Variants in SCRT2 observed in about 807,000 individuals in gnomAD.
The protein encoded by SCRT2 is scratch family transcriptional repressor 2.
SCRT2 carries 2 observed loss-of-function variants against 3.7 expected under a neutral mutation model. That is an observed-to-expected ratio of 0.54 (90% CI 0.22 to 1.70). SCRT2 has a LOEUF of 1.70. SCRT2 is among the 40% of genes most tolerant of loss of function. The probability of loss-of-function intolerance (pLI) is 0.19; values close to 1 mark genes in which losing one functional copy is unlikely to be tolerated. For synonymous variants in SCRT2, 256 were observed against 220.6 expected (o/e 1.16, Z -1.42); for missense variants, 456 against 468.5 (o/e 0.97, Z 0.25).
intron 1 of SCRT2, among the ~76,000 whole-genome samples, chr20:673,653 C>G (rs1599925711): frequency 6.6e-6 from 1 of 152,220 alleles, no homozygotes; most frequent in African/African-American, 2.4e-5. Flanking sequence ...CTGCTTCCCA[C>G]TATTCACTCA....
intron 1 of SCRT2, among the ~76,000 whole-genome samples, chr20:674,688 AGTGTGTGTGTGT>A (rs759385819): frequency 6.2e-5 from 8 of 129,446 alleles, no homozygotes; most frequent in East Asian, 2.6e-4. Context: ...GAAGAGATGG[AGTGTGTGTGTGT>A]GTGTGTGTGT....
At chr20:671,589 T>C (rs1984332907) in intron 1 of SCRT2, among the ~76,000 whole-genome samples, 1 of 152,168 alleles carries the variant, frequency 6.6e-6, no homozygotes, top group African/African-American at 2.4e-5. Context: ...GCTGGGGACA[T>C]TGGGCCGGGC....
Position 665,998 on chromosome 20 carries a change from C to T in SCRT2, c.134-1537G>A, listed in dbSNP as rs981668283. 4.6e-5 allele frequency among the ~76,000 whole-genome samples: 7 copies of T among 152,210 alleles called. No individual in the cohort carries two copies. The highest frequency in any genetic ancestry group is 1.7e-4 in the African/African-American group (7 of 41,454). On this transcript the variant is annotated intron_variant, in intron 1 of 1. Transcript: ENST00000246104. This position sits in a 1 kb window ranked among gnomAD's most constrained non-coding sequence, Gnocchi z 5.0. Reference sequence around the variant, plus strand: ...GGCTGATTCAGCCTCCAGGCCTTTGCCTCTCATCTGGAGTTTGGGATGGAC... The same window carrying T: ...GGCTGATTCAGCCTCCAGGCCTTTGTCTCTCATCTGGAGTTTGGGATGGAC...
chr20:664,581 T>C lies in SCRT2; in HGVS notation c.134-120A>G, dbSNP rs1600471546. On this transcript the variant is annotated intron_variant, in intron 1 of 1. Coordinates refer to ENST00000246104, the MANE Select transcript of SCRT2 (RefSeq NM_033129.4). The surrounding 1 kb of genome is among the most constrained non-coding windows in gnomAD (Gnocchi z 7.9). ...GCCCCTGTGGCAGCTCCGACAGTGG[T>C]GGTCTCCGACCTGCACCTCAGCTCT... is the stretch of plus-strand genomic sequence containing the variant. The C allele has an allele frequency of 1.5e-6, 1 of 653,858 alleles. No individual in the cohort carries two copies. Among genetic ancestry groups the C allele is most frequent in the Admixed American group, 4.3e-5 (1 of 23,036 alleles). The allele number at this position is 653,858 out of a possible 1,614,324, so 40.5% of individuals were successfully genotyped here.
At chr20:668,001 C>A (rs1286211248) in intron 1 of SCRT2, among the ~76,000 whole-genome samples, 1 of 152,216 alleles carries the variant, frequency 6.6e-6, no homozygotes, top group Non-Finnish European at 1.5e-5. Flanking sequence ...ACCCCGTTTT[C>A]CTCAGATTCA....
intron 1 of SCRT2, among the ~76,000 whole-genome samples, chr20:670,972 C>T (rs1006973615): frequency 2.6e-5 from 4 of 152,126 alleles, no homozygotes; most frequent in African/African-American, 7.2e-5. Flanking sequence ...CATATTCAAC[C>T]GTTTGATATT....
At position 675,438 on chromosome 20, in the gene SCRT2, C is replaced by G. The variant is rs1984497911; in HGVS notation, c.133+31G>C. The G allele has an allele frequency of 1.5e-6, 2 of 1,298,310 alleles. No individual in the cohort carries two copies. The highest frequency in any genetic ancestry group is 2.0e-6 in the Non-Finnish European group (2 of 1,014,266). The allele number at this position is 1,298,310 out of a possible 1,614,324, so 80.4% of individuals were successfully genotyped here. A position where few individuals can be genotyped will look rare whatever the true frequency, so the allele number is the denominator to read the frequency against. On this transcript the variant is annotated intron_variant, in intron 1 of 1. Coordinates refer to ENST00000246104, the MANE Select transcript of SCRT2 (RefSeq NM_033129.4). This position sits in a 1 kb window ranked among gnomAD's most constrained non-coding sequence, Gnocchi z 6.9. ...CCCCAGCTCCCCTCGCCTCTTCTCCCAACCCCCCGCCCCCGCCGGGTCCCA... is the reference window on the plus strand; with the variant it reads ...CCCCAGCTCCCCTCGCCTCTTCTCCGAACCCCCCGCCCCCGCCGGGTCCCA...
chr20:672,774 TCTC>T (rs1382236673), intron 1 of SCRT2, among the ~76,000 whole-genome samples: 2 of 108,110 alleles, frequency 1.8e-5, no homozygotes, highest in Non-Finnish European at 3.6e-5. Context: ...CCTCCCTCCC[TCTC>T]CTCATCTTCC....
rs370820824 is a variant in SCRT2, at chr20:669,132, G to A, written c.134-4671C>T. Among the ~76,000 whole-genome samples the A allele has an allele frequency of 4.5e-4, 69 of 151,706 alleles. 1 individual carries two copies. The South Asian group carries it at 0.014, about 30-fold the overall frequency. On this transcript the variant is annotated intron_variant, in intron 1 of 1. Transcript: ENST00000246104. Reference sequence around the variant, plus strand: ...ACACTCCCTAGTTAGCCTGTGGTGGGGTGGGTGGGGGCACGGGGTGGTGGG... The same window carrying A: ...ACACTCCCTAGTTAGCCTGTGGTGGAGTGGGTGGGGGCACGGGGTGGTGGG...
rs182399394 is a variant in SCRT2 at position 674,357 on chromosome 20, T to C, written c.133+1112A>G. Among the ~76,000 whole-genome samples the C allele has an allele frequency of 1.5e-4, 22 of 150,562 alleles. No individual in the cohort carries two copies. In the East Asian group the frequency reaches 4.4e-3, roughly 30 times the overall value. Reference sequence around the variant, plus strand: ...TCCTCTCTCAATCTCCCTCTTTCTCTCTCTCTCTTTCCCCACCCCCATCTC... The same window carrying C: ...TCCTCTCTCAATCTCCCTCTTTCTCCCTCTCTCTTTCCCCACCCCCATCTC... On this transcript the variant is annotated intron_variant, in intron 1 of 1. Coordinates refer to ENST00000246104, the MANE Select transcript of SCRT2 (RefSeq NM_033129.4).
rs951447995 is a variant in SCRT2 at position 665,981 on chromosome 20, C to A, written c.134-1520G>T. On this transcript the variant is annotated intron_variant, in intron 1 of 1. Coordinates refer to ENST00000246104, the MANE Select transcript of SCRT2 (RefSeq NM_033129.4). This position sits in a 1 kb window ranked among gnomAD's most constrained non-coding sequence, Gnocchi z 5.0. ...CGTTTCCCACACAGCCTGGCTGATT[C>A]AGCCTCCAGGCCTTTGCCTCTCATC... Among the ~76,000 whole-genome samples, 38 of 152,216 alleles carry A rather than the reference C, an allele frequency of 2.5e-4. No individual in the cohort carries two copies. The highest frequency in any genetic ancestry group is 2.2e-3 in the Admixed American group (34 of 15,288).
chr20:663,311 A>T lies in SCRT2; in HGVS notation c.*360T>A, dbSNP rs1600470518. ...ATTCAGCTGAGAAGCGAGAGAAAAG[A>T]TCTAGAAGTTAGAAGAGCAGCGCGG... On this transcript the variant is annotated 3_prime_UTR_variant, in exon 2 of 2. Coordinates refer to ENST00000246104, the MANE Select transcript of SCRT2 (RefSeq NM_033129.4). The surrounding 1 kb of genome is among the most constrained non-coding windows in gnomAD (Gnocchi z 6.9). 3.9e-6 allele frequency: 1 copy of T among 258,954 alleles called. No homozygotes were observed. The highest frequency in any genetic ancestry group is 7.2e-5 in the East Asian group (1 of 13,976). 16.0% of individuals were successfully genotyped at this position (258,954 alleles called of 1,614,324 possible).
At chr20:672,720 G>GCCCT (rs1250961774) in intron 1 of SCRT2, among the ~76,000 whole-genome samples, 1 of 32,594 alleles carries the variant, frequency 3.1e-5, no homozygotes, top group African/African-American at 1.3e-4. Flanking sequence ...GGCCTCCCCC[G>GCCCT]CCCTCCCTCC....
At position 663,546 on chromosome 20, in the gene SCRT2, G is replaced by T. The variant is rs916358332; in HGVS notation, c.*125C>A. ...GAGAAAAGTTCCGGGCCGGGCCGGG[G>T]GTCCCCACGAGAGGGTCATGGGCAG... On this transcript the variant is annotated 3_prime_UTR_variant, in exon 2 of 2. Coordinates refer to ENST00000246104, the MANE Select transcript of SCRT2 (RefSeq NM_033129.4). This position sits in a 1 kb window ranked among gnomAD's most constrained non-coding sequence, Gnocchi z 6.9. The T allele has an allele frequency of 1.1e-6, 1 of 906,458 alleles. No individual in the cohort carries two copies. The highest frequency in any genetic ancestry group is 1.5e-6 in the Non-Finnish European group (1 of 683,790). The allele number at this position is 906,458 out of a possible 1,614,324, so 56.2% of individuals were successfully genotyped here. A position where few individuals can be genotyped will look rare whatever the true frequency, so the allele number is the denominator to read the frequency against.
At chr20:670,336 C>A (rs1044782244) in intron 1 of SCRT2, among the ~76,000 whole-genome samples, 1 of 152,110 alleles carries the variant, frequency 6.6e-6, no homozygotes, top group African/African-American at 2.4e-5. Context: ...TGCTCTGCCG[C>A]CTCTCTCTCT....
In SCRT2 at chr20:663,268, A is replaced by C; in HGVS notation, c.*403T>G. Reference sequence around the variant, plus strand: ...TGCGGCTTTCATTGGGGGCTCCAGTAGAGGAATGGTCAGAGAGATTCAGCT... The same window carrying C: ...TGCGGCTTTCATTGGGGGCTCCAGTCGAGGAATGGTCAGAGAGATTCAGCT... On this transcript the variant is annotated 3_prime_UTR_variant, in exon 2 of 2. Coordinates refer to ENST00000246104, the MANE Select transcript of SCRT2 (RefSeq NM_033129.4). The surrounding 1 kb of genome is among the most constrained non-coding windows in gnomAD (Gnocchi z 6.9). 3 of 184,850 alleles carry C rather than the reference A, an allele frequency of 1.6e-5. No homozygotes were observed. The highest frequency in any genetic ancestry group is 3.3e-5 in the Non-Finnish European group (3 of 90,062). 11.5% of individuals were successfully genotyped at this position (184,850 alleles called of 1,614,324 possible).
At position 663,444 on chromosome 20, in the gene SCRT2, T is replaced by C. The variant is rs1984026084; in HGVS notation, c.*227A>G. 2 of 395,698 alleles carry C rather than the reference T, an allele frequency of 5.1e-6. No homozygotes were observed. The highest frequency in any genetic ancestry group is 4.3e-6 in the Non-Finnish European group (1 of 232,130). 24.5% of individuals were successfully genotyped at this position (395,698 alleles called of 1,614,324 possible). ...GACAGGGGGGTCAAGGTCCGAGGGA[T>C]GGCCGGAAAGGATGAAGTGGGTCGG... On this transcript the variant is annotated 3_prime_UTR_variant, in exon 2 of 2. Transcript: ENST00000246104. The surrounding 1 kb of genome is among the most constrained non-coding windows in gnomAD (Gnocchi z 6.9).
At position 672,156 on chromosome 20, in the gene SCRT2, G is replaced by A. The variant is rs73080868; in HGVS notation, c.133+3313C>T. On this transcript the variant is annotated intron_variant, in intron 1 of 1. Transcript: ENST00000246104. ...GAAGAGGGGAAGGGAAAGCAGTGGA[G>A]GAGCAAGAGAGGCATCTTACTTGAG... Among the ~76,000 whole-genome samples, 943 of 152,254 alleles carry A rather than the reference G, an allele frequency of 6.2e-3. 5 individuals are homozygous for A. The highest frequency in any genetic ancestry group is 0.014 in the Middle Eastern group (4 of 294).
Position 667,092 on chromosome 20 carries a change from G to A in SCRT2, c.134-2631C>T, listed in dbSNP as rs4815878. On this transcript the variant is annotated intron_variant, in intron 1 of 1. Coordinates refer to ENST00000246104, the MANE Select transcript of SCRT2 (RefSeq NM_033129.4). The surrounding 1 kb of genome is among the most constrained non-coding windows in gnomAD (Gnocchi z 4.4). ...ACCTTGGCCAAACGATTTGGCCTCT[G>A]TGTGACTCTACCGTTTCAGTAAGGG... Among the ~76,000 whole-genome samples, 120,193 of 152,082 alleles carry A rather than the reference G, an allele frequency of 0.79. 47,906 individuals carry two copies. The highest frequency in any genetic ancestry group is 0.9 in the African/African-American group (37,169 of 41,504).
Sources: gnomAD v4.1 joint callset for allele counts (sites outside exome capture counted in the v4.1 genomes callset) on GRCh38, gnomAD v4.1.1 for gene constraint, Gnocchi (gnomAD v3.1) non-coding constraint, MANE v1.5 for transcripts, NCBI Gene and HGNC (gene_info 2026-07-23, HGNC 2026-07-21) for gene names.